FCER1A: variants seen among roughly 807,000 people sequenced by gnomAD.
FCER1A encodes the protein Fc epsilon receptor Ia, also known as high affinity immunoglobulin epsilon receptor subunit alpha.
Under a neutral mutation model 23.6 loss-of-function variants are expected in FCER1A, and 24 were observed. The ratio of observed to expected loss-of-function variants is 1.02; its 90% CI spans 0.74 to 1.43. FCER1A has a LOEUF of 1.43. Ranked by LOEUF, FCER1A falls within the 40% of genes most tolerant of loss-of-function variation. The pLI, the probability that FCER1A is intolerant of heterozygous loss-of-function variation, is 0.00. For synonymous variants in FCER1A, 121 were observed against 108.8 expected, an observed-to-expected ratio of 1.11 and a Z score of -0.70; for missense variants, 318 against 294.5, an observed-to-expected ratio of 1.08 and a Z score of -0.58.
intron 2 of FCER1A, among the ~76,000 whole-genome samples, chr1:159,303,383 A>G (rs181935168): frequency 6.6e-6 from 1 of 152,208 alleles, no homozygotes; most frequent in East Asian, 1.9e-4. Flanking sequence ...TTCAAGACTG[A>G]CTTTCTTAGT....
rs79965525 is a variant in FCER1A at position 159,308,014 on chromosome 1, A to G, written c.*82A>G. ...TACTCAATTGTCAAACACAGCTTGC[A>G]ATATACATAGAAACGTCTGTGCTCA... On this transcript the variant is annotated 3_prime_UTR_variant, in exon 5 of 5. Coordinates refer to ENST00000693622, the MANE Select transcript of FCER1A (RefSeq NM_001387280.1). The G allele has an allele frequency of 6.4e-3, 6,389 of 996,174 alleles. 215 individuals carry two copies. The East Asian group carries it at 0.085, about 13-fold the overall frequency. 61.7% of individuals were successfully genotyped at this position (996,174 alleles called of 1,614,324 possible). A position where few individuals can be genotyped will look rare whatever the true frequency, so the allele number is the denominator to read the frequency against.
upstream of FCER1A, among the ~76,000 whole-genome samples, chr1:159,299,169 T>C (rs561276710): frequency 2.6e-5 from 4 of 152,316 alleles, no homozygotes; most frequent in South Asian, 8.3e-4. Flanking sequence ...TAGTTAGCCT[T>C]GTATTTGATC....
chr1:159,290,975 A>G (rs1299163995), intron 1 of FCER1A, among the ~76,000 whole-genome samples: 1 of 152,178 alleles, frequency 6.6e-6, no homozygotes, highest in Admixed American at 6.5e-5. Context: ...GATATAATGC[A>G]TTTTTCTGTA....
At chr1:159,297,994 C>A (rs1652338724), upstream of FCER1A, among the ~76,000 whole-genome samples, 1 of 152,166 alleles carries the variant, frequency 6.6e-6, no homozygotes, top group Admixed American at 6.5e-5. Context: ...GCTCACTTAA[C>A]ATCTGTATCT....
intron 4 of FCER1A, 81 bp downstream of exon 4, chr1:159,306,326 T>A: frequency 7.1e-7 from 1 of 1,406,664 alleles, no homozygotes; most frequent in Non-Finnish European, 9.7e-7. Context: ...TTGCAGCTTG[T>A]AGAAGGGGGG....
At chr1:159,285,086 G>A (rs1557964451), upstream of FCER1A, among the ~76,000 whole-genome samples, 2 of 152,168 alleles carry the variant, frequency 1.3e-5, no homozygotes, top group Admixed American at 6.6e-5. Flanking sequence ...GTGTGTACGT[G>A]TGTGGGTGTG....
intron 1 of FCER1A, among the ~76,000 whole-genome samples, chr1:159,291,747 G>T (rs1652158028): frequency 6.6e-6 from 1 of 152,024 alleles, no homozygotes; most frequent in South Asian, 2.1e-4. Context: ...CCATCCCACA[G>T]CAAAACTTCT....
chr1:159,307,042 A>C (rs1363507299), intron 4 of FCER1A, among the ~76,000 whole-genome samples: 2 of 152,240 alleles, frequency 1.3e-5, no homozygotes, highest in East Asian at 3.8e-4. Context: ...ATTCCATTAG[A>C]ATCATTTGAT....
upstream of FCER1A, among the ~76,000 whole-genome samples, chr1:159,300,972 T>A (rs1652417005): frequency 6.6e-6 from 1 of 152,212 alleles, no homozygotes. Flanking sequence ...ACATAGCATG[T>A]CCTGGGCTCA....
At position 159,304,074 on chromosome 1, in the gene FCER1A, A is replaced by T; in HGVS notation, c.223A>T (p.Asn75Tyr). The T allele has an allele frequency of 1.2e-6, 2 of 1,614,190 alleles. No individual in the cohort carries two copies. The highest frequency in any genetic ancestry group is 2.2e-5 in the South Asian group (2 of 91,082). The part of the protein sequence containing the change: ...FHNGSLSEET[N>Y]SSLNIVNAKF... ...CAATGGCAGCCTTTCAGAAGAGACA[A>T]ATTCAAGTTTGAATATTGTGAATGC... The change falls in exon 3 of 5, where the codon AAT (asparagine) becomes TAT (tyrosine). Residue 75 changes from asparagine to tyrosine, a missense_variant. By Grantham distance (143) the Asn-to-Tyr change is moderately radical. Coordinates refer to ENST00000693622, the MANE Select transcript of FCER1A (RefSeq NM_001387280.1).
upstream of FCER1A, among the ~76,000 whole-genome samples, chr1:159,287,128 C>G (rs542371724): frequency 1.4e-3 from 220 of 152,282 alleles, no homozygotes; most frequent in African/African-American, 5.1e-3. Flanking sequence ...CCCATGCTTC[C>G]AACTACATAG....
chr1:159,293,639 C>T (rs1383443995), intron 1 of FCER1A, among the ~76,000 whole-genome samples: 3 of 145,200 alleles, frequency 2.1e-5, no homozygotes, highest in Non-Finnish European at 3.0e-5. Flanking sequence ...TGAGAATATG[C>T]GGTGTTTGGT....
At position 159,303,963 on chromosome 1, in the gene FCER1A, T is replaced by C; in HGVS notation, c.112T>C (p.Trp38Arg). 6.2e-7 allele frequency: 1 copy of C among 1,611,392 alleles called. No individual in the cohort carries two copies. The highest frequency in any genetic ancestry group is 8.5e-7 in the Non-Finnish European group (1 of 1,177,566). Residue 38 changes from tryptophan to arginine, a missense_variant, in exon 3 of 5, where the codon TGG becomes CGG. By Grantham distance (101) the Trp-to-Arg change is moderately radical (BLOSUM62 -3). Transcript: ENST00000693622. ...ACCTAAGGTCTCCTTGAACCCTCCATGGAATAGAATATTTAAAGGAGAGAA... is the reference window on the plus strand; with the variant it reads ...ACCTAAGGTCTCCTTGAACCCTCCACGGAATAGAATATTTAAAGGAGAGAA... ...QKPKVSLNPP[W>R]NRIFKGENVT... is the part of the protein sequence containing the mutation.
At chr1:159,286,048 G>C (rs1257342362), upstream of FCER1A, among the ~76,000 whole-genome samples, 2 of 151,810 alleles carry the variant, frequency 1.3e-5, no homozygotes, top group African/African-American at 2.4e-5. Context: ...AAATTAGCAG[G>C]ACGTGGTGGC....
intron 4 of FCER1A, 77 bp downstream of exon 4, chr1:159,306,322 C>G: frequency 6.9e-7 from 1 of 1,455,264 alleles, no homozygotes; most frequent in Middle Eastern, 2.5e-4. Flanking sequence ...GCAGTTGCAG[C>G]TTGTAGAAGG....
chr1:159,286,663 G>A (rs73027947), upstream of FCER1A, among the ~76,000 whole-genome samples: 3,752 of 152,278 alleles, frequency 0.025, 146 homozygotes, highest in African/African-American at 0.086. Context: ...TTGCAAAACG[G>A]TGCTTTCTTA....
chr1:159,286,536 G>T (rs1469465613), upstream of FCER1A, among the ~76,000 whole-genome samples: 1 of 152,062 alleles, frequency 6.6e-6, no homozygotes, highest in Non-Finnish European at 1.5e-5. Context: ...GTTTCACCAT[G>T]TTAGCCAGGA....
chr1:159,294,320 T>G (rs1270101852), intron 1 of FCER1A, among the ~76,000 whole-genome samples: 2 of 152,172 alleles, frequency 1.3e-5, no homozygotes, highest in African/African-American at 4.8e-5. Flanking sequence ...GAACCTTCTC[T>G]TAATTTCTAC....
At chr1:159,297,600 T>C (rs1055106420), upstream of FCER1A, among the ~76,000 whole-genome samples, 1 of 152,224 alleles carries the variant, frequency 6.6e-6, no homozygotes, top group Non-Finnish European at 1.5e-5. Flanking sequence ...CAAAAAGAGT[T>C]TGAGTGGTCA....
Sources: allele counts gnomAD v4.1 joint callset (sites outside exome capture counted in the v4.1 genomes callset), GRCh38; gene constraint gnomAD v4.1.1; transcripts MANE v1.5; gene names NCBI Gene and HGNC (gene_info 2026-07-23, HGNC 2026-07-21).